Variants in KANSL1L observed in about 807,000 individuals in gnomAD.
KANSL1L encodes the protein KAT8 regulatory NSL complex subunit 1 like.
KANSL1L carries 25 observed loss-of-function variants against 108.6 expected under a neutral mutation model. The ratio of observed to expected loss-of-function variants is 0.23; its 90% CI spans 0.17 to 0.32. KANSL1L has a LOEUF of 0.32. Among genes scored for constraint, KANSL1L ranks in the 10% least tolerant of loss-of-function variants. The pLI, the probability that KANSL1L is intolerant of heterozygous loss-of-function variation, is 1.00. For synonymous variants in KANSL1L, 405 were observed against 395.1 expected, an observed-to-expected ratio of 1.03 and a Z score of -0.30; for missense variants, 1,137 against 1,125.7, an observed-to-expected ratio of 1.01 and a Z score of -0.14.
intron 1 of KANSL1L, among the ~76,000 whole-genome samples, chr2:210,165,282 C>A (rs186222341): frequency 6.6e-6 from 1 of 151,940 alleles, no homozygotes; most frequent in Non-Finnish European, 1.5e-5. Context: ...TGTTATAAAA[C>A]TGTTACAGAT....
chr2:210,082,019 A>G (rs1008765632), intron 5 of KANSL1L, among the ~76,000 whole-genome samples: 1 of 152,132 alleles, frequency 6.6e-6, no homozygotes, highest in African/African-American at 2.4e-5. Flanking sequence ...CAGCAGTGTC[A>G]ACCTTCTTGG....
intron 6 of KANSL1L, among the ~76,000 whole-genome samples, chr2:210,054,374 T>G (rs1244901520): frequency 6.6e-6 from 1 of 151,856 alleles, no homozygotes; most frequent in Non-Finnish European, 1.5e-5. Context: ...TTTTTACCTA[T>G]TGTATTGGCA....
chr2:210,031,074 G>C (rs1182703596), intron 9 of KANSL1L: 1 of 188,450 alleles, frequency 5.3e-6, no homozygotes, highest in Non-Finnish European at 1.1e-5. Flanking sequence ...TCCACAGTAG[G>C]TACCATAAAT....
intron 8 of KANSL1L, among the ~76,000 whole-genome samples, chr2:210,033,818 G>A (rs1339603475): frequency 2.0e-5 from 3 of 151,984 alleles, no homozygotes; most frequent in Admixed American, 1.3e-4. Flanking sequence ...GATTACAGGC[G>A]TGAGCCACCG....
intron 5 of KANSL1L, chr2:210,096,458 G>A (rs1283266630): frequency 1.0e-6 from 1 of 978,720 alleles, no homozygotes; most frequent in African/African-American, 1.8e-5. Flanking sequence ...TCAATGCTTT[G>A]CAAATGAATG....
intron 5 of KANSL1L, among the ~76,000 whole-genome samples, chr2:210,079,648 A>ATATGTGTGTGTG (rs1553653239): frequency 1.3e-4 from 2 of 15,220 alleles, no homozygotes; most frequent in African/African-American, 2.3e-4. Context: ...ATATATATAT[A>ATATGTGTGTGTG]TATATATATA....
At position 210,031,421 on chromosome 2, in the gene KANSL1L, C is replaced by T; in HGVS notation, c.2155G>A (p.Gly719Arg). The T allele has an allele frequency of 6.3e-7, 1 of 1,592,942 alleles. No homozygotes were observed. Among genetic ancestry groups the T allele is most frequent in the South Asian group, 1.1e-5 (1 of 89,196 alleles). ...KKRHLSETAL[G>R]ERTKLEESDF... Reference sequence around the variant, plus strand: ...TGCTTATATCCTCACTTTAACCTACCTAATGCTGTTTCACTCAAATGTCTT... The same window carrying T: ...TGCTTATATCCTCACTTTAACCTACTTAATGCTGTTTCACTCAAATGTCTT... Residue 719 changes from glycine (G) to arginine (R), a missense_variant and splice_region_variant, in exon 9 of 15, where the codon GGA (glycine) becomes AGA (arginine). Gly to Arg is a moderately radical substitution (Grantham distance 125). Around this residue, in one of 3 missense-constraint regions of KANSL1L, gnomAD observed 575 missense variants for 567.1 expected, o/e 1.01. Transcript: ENST00000281772.
chr2:210,153,127 G>A (rs181002214), intron 2 of KANSL1L: 172 of 164,146 alleles, frequency 1.0e-3, no homozygotes, highest in Middle Eastern at 3.1e-3. Flanking sequence ...AGGCCGAGGC[G>A]GGTGGATCAC....
At chr2:210,133,912 T>A (rs2095150255) in intron 2 of KANSL1L, among the ~76,000 whole-genome samples, 1 of 152,152 alleles carries the variant, frequency 6.6e-6, no homozygotes, top group African/African-American at 2.4e-5. Flanking sequence ...TTACCCAGTA[T>A]GATTTTCCTT....
upstream of KANSL1L, among the ~76,000 whole-genome samples, chr2:210,172,745 C>T (rs1267743722): frequency 6.6e-6 from 1 of 151,994 alleles, no homozygotes; most frequent in Non-Finnish European, 1.5e-5. Context: ...GACAGAAATG[C>T]AAAAATGAAT....
chr2:210,104,551 G>T (rs537179271), intron 3 of KANSL1L, among the ~76,000 whole-genome samples: 1 of 151,960 alleles, frequency 6.6e-6, no homozygotes, highest in African/African-American at 2.4e-5. Context: ...TTTCTAATTG[G>T]TTTTAATTAT....
intron 6 of KANSL1L, among the ~76,000 whole-genome samples, chr2:210,053,678 AG>A (rs2094317731): frequency 6.6e-6 from 1 of 152,182 alleles, no homozygotes; most frequent in African/African-American, 2.4e-5. Flanking sequence ...AAACCCAAAA[AG>A]TATAATGAAA....
chr2:210,101,986 C>G (rs568910802), intron 4 of KANSL1L, among the ~76,000 whole-genome samples: 2 of 152,104 alleles, frequency 1.3e-5, no homozygotes, highest in Non-Finnish European at 2.9e-5. Context: ...GTAAAAAAGT[C>G]CTAGATTCAG....
At chr2:210,110,920 T>C (rs908230586) in intron 3 of KANSL1L, among the ~76,000 whole-genome samples, 1 of 152,096 alleles carries the variant, frequency 6.6e-6, no homozygotes, top group Non-Finnish European at 1.5e-5. Context: ...GAGACCAGCC[T>C]GGGCAACATG....
At chr2:210,091,545 C>G (rs2094693132) in intron 5 of KANSL1L, among the ~76,000 whole-genome samples, 1 of 152,024 alleles carries the variant, frequency 6.6e-6, no homozygotes, top group Non-Finnish European at 1.5e-5. Flanking sequence ...CAGGAAATGC[C>G]CCCTCTTATG....
In KANSL1L at chr2:210,024,070, T is replaced by C; in HGVS notation, c.2696A>G (p.Tyr899Cys). 6.2e-7 allele frequency: 1 copy of C among 1,604,892 alleles called. No homozygotes were observed. The highest frequency in any genetic ancestry group is 8.5e-7 in the Non-Finnish European group (1 of 1,175,600). The change falls in exon 14 of 15, where the codon TAT (tyrosine) becomes TGT (cysteine). Residue 899 changes from tyrosine (Y) to cysteine (C), a missense_variant. Around this residue, in one of 3 missense-constraint regions of KANSL1L, gnomAD observed 575 missense variants for 567.1 expected, o/e 1.01. Coordinates refer to ENST00000281772, the MANE Select transcript of KANSL1L (RefSeq NM_152519.4). Reference sequence around the variant, plus strand: ...ACTTTGATTTAAAGAAGGTAAGCCATATGCACACAGATCCTGGTTCTCTGA... The same window carrying C: ...ACTTTGATTTAAAGAAGGTAAGCCACATGCACACAGATCCTGGTTCTCTGA... ...LPSENQDLCA[Y>C]GLPSLNQSQE... is the part of the protein sequence containing the mutation.
chr2:210,154,356 T>C lies in KANSL1L; in HGVS notation c.227A>G (p.His76Arg), dbSNP rs138084952. 45 of 1,611,620 alleles carry C rather than the reference T, an allele frequency of 2.8e-5. No individual in the cohort carries two copies. Among genetic ancestry groups the C allele is most frequent in the Non-Finnish European group, 3.2e-5 (38 of 1,179,256 alleles). ...TCTCATTAAAAAAACAGTCTGGTAA[T>C]GTTTTGAAGACTGAGGGGAGCCAAA... is the stretch of plus-strand genomic sequence containing the variant. ...KHFGSPQSSKHYQTVFLMRSN... is the reference protein window; with the variant it reads ...KHFGSPQSSKRYQTVFLMRSN... Residue 76 changes from histidine (H) to arginine (R), a missense_variant, in exon 2 of 15, where the codon CAT becomes CGT. By Grantham distance (29) the His-to-Arg change is conservative (BLOSUM62 0). Coordinates refer to ENST00000281772, the MANE Select transcript of KANSL1L (RefSeq NM_152519.4).
At chr2:210,158,593 A>C (rs79716385) in intron 1 of KANSL1L, among the ~76,000 whole-genome samples, 1,637 of 152,190 alleles carry the variant, frequency 0.011, 26 homozygotes, top group African/African-American at 0.035. Flanking sequence ...ATACACTTGG[A>C]TATGAAGACT....
chr2:210,034,896 A>G (rs1439015025), intron 8 of KANSL1L, among the ~76,000 whole-genome samples: 2 of 152,200 alleles, frequency 1.3e-5, no homozygotes, highest in East Asian at 3.9e-4. Flanking sequence ...AAATTTCTGT[A>G]TACCCTTTTC....
Sources: gnomAD v4.1 joint callset for allele counts (sites outside exome capture counted in the v4.1 genomes callset) on GRCh38, gnomAD v4.1.1 for gene constraint, gnomAD v4.1.1 regional missense constraint, MANE v1.5 for transcripts, NCBI Gene and HGNC (gene_info 2026-07-23, HGNC 2026-07-21) for gene names.